The following CDH18 variants were observed in gnomAD, a reference collection of about 807,000 sequenced individuals.
CDH18 encodes cadherin 18, also known as cadherin-18.
A neutral mutation model predicts 67.9 loss-of-function variants in CDH18; 31 were observed. The ratio of observed to expected loss-of-function variants is 0.46; its 90% confidence interval spans 0.34 to 0.62. CDH18 has a LOEUF of 0.62. Among genes scored for constraint, CDH18 ranks in the 20% least tolerant of loss-of-function variants. CDH18 has a pLI of 0.01. For synonymous variants in CDH18, 362 were observed against 347.2 expected (o/e 1.04, Z -0.48); for missense variants, 890 against 975.5 (o/e 0.91, Z 1.17).
At chr5:20,564,098 T>C (rs1758365555) in intron 1 of CDH18, among the ~76,000 whole-genome samples, 1 of 151,954 alleles carries the variant, frequency 6.6e-6, no homozygotes. Context: ...TAGTAATAAT[T>C]ATATACTTCC....
At chr5:20,568,443 A>G (rs931481233) in intron 1 of CDH18, among the ~76,000 whole-genome samples, 1 of 152,190 alleles carries the variant, frequency 6.6e-6, no homozygotes, top group Admixed American at 6.5e-5. Context: ...ACTTGAGTTC[A>G]AGTCAAGGAG....
chr5:20,534,992 T>G (rs990533904), intron 1 of CDH18, among the ~76,000 whole-genome samples: 3 of 152,234 alleles, frequency 2.0e-5, no homozygotes, highest in Middle Eastern at 3.4e-3. Context: ...AGCCTACCTT[T>G]GATCAATCAA....
At chr5:20,493,343 T>G (rs1753700068) in intron 1 of CDH18, among the ~76,000 whole-genome samples, 1 of 113,950 alleles carries the variant, frequency 8.8e-6, no homozygotes, top group Non-Finnish European at 1.8e-5. Context: ...GGCAAGACTC[T>G]GTTTCAGAAA....
intron 2 of CDH18, among the ~76,000 whole-genome samples, chr5:19,937,640 G>A (rs11741381): frequency 0.6 from 90,872 of 151,064 alleles, 27,701 homozygotes; most frequent in East Asian, 0.72. Flanking sequence ...AAGTATAACC[G>A]AACAATACCT....
chr5:19,750,495 T>C (rs916510065), intron 3 of CDH18, among the ~76,000 whole-genome samples: 2 of 151,980 alleles, frequency 1.3e-5, no homozygotes, highest in Admixed American at 6.6e-5. Flanking sequence ...ATAGAGATAA[T>C]CAGTTAGGAA....
chr5:19,756,536 G>A (rs748162479), intron 3 of CDH18, among the ~76,000 whole-genome samples: 1 of 152,270 alleles, frequency 6.6e-6, no homozygotes, highest in East Asian at 1.9e-4. Flanking sequence ...ACTAAGAGAC[G>A]CCCAAATGGA....
At chr5:20,092,769 T>A (rs1471733734) in intron 2 of CDH18, among the ~76,000 whole-genome samples, 2 of 152,146 alleles carry the variant, frequency 1.3e-5, no homozygotes, top group African/African-American at 2.4e-5. Context: ...ATGCACAGTA[T>A]TACATTTTTA....
At chr5:20,170,124 C>T (rs1200178175) in intron 2 of CDH18, among the ~76,000 whole-genome samples, 1 of 151,946 alleles carries the variant, frequency 6.6e-6, no homozygotes, top group Non-Finnish European at 1.5e-5. Flanking sequence ...AACAGATCAC[C>T]TAGGTATTAA....
At chr5:20,520,690 G>A (rs1755693940) in intron 1 of CDH18, among the ~76,000 whole-genome samples, 1 of 152,146 alleles carries the variant, frequency 6.6e-6, no homozygotes, top group Admixed American at 6.6e-5. Flanking sequence ...GAGCAATTGG[G>A]TTAACAGCTT....
intron 2 of CDH18, among the ~76,000 whole-genome samples, chr5:19,904,130 C>A (rs998634216): frequency 3.3e-5 from 5 of 151,340 alleles, no homozygotes; most frequent in African/African-American, 1.2e-4. Flanking sequence ...AAAAATTAGC[C>A]AGGCTTGGTG....
chr5:19,509,740 T>C (rs998571405), intron 10 of CDH18, among the ~76,000 whole-genome samples: 1 of 152,168 alleles, frequency 6.6e-6, no homozygotes, highest in Non-Finnish European at 1.5e-5. Flanking sequence ...TTAATATGCA[T>C]AAAATAGAAT....
rs1452625951 is a variant in CDH18, at chr5:20,546,065, T to G, written c.-580+29397A>C. Among the ~76,000 whole-genome samples the G allele has an allele frequency of 2.0e-5, 3 of 152,062 alleles. No homozygotes were observed. In the East Asian group the frequency reaches 5.8e-4, roughly 29 times the overall value. Reference sequence around the variant, plus strand: ...TCTCTTAAGTTCAAAGTTCCACAGATCTCTAGGGTGGGGGCAAAATGCTGC... The same window carrying G: ...TCTCTTAAGTTCAAAGTTCCACAGAGCTCTAGGGTGGGGGCAAAATGCTGC... On this transcript the variant is annotated intron_variant, in intron 1 of 14. Transcript: ENST00000507958.
chr5:19,487,030 A>G (rs894261690), intron 11 of CDH18, among the ~76,000 whole-genome samples: 1 of 152,200 alleles, frequency 6.6e-6, no homozygotes, highest in Non-Finnish European at 1.5e-5. Flanking sequence ...TTGGAAGCCA[A>G]GCTAGTAAAG....
intron 1 of CDH18, among the ~76,000 whole-genome samples, chr5:20,349,039 A>T (rs183981074): frequency 3.3e-4 from 50 of 152,304 alleles, no homozygotes; most frequent in Admixed American, 5.2e-4. Context: ...AACATTACTC[A>T]TCAAAGTCAC....
At chr5:20,475,454 T>C (rs1180502869) in intron 1 of CDH18, among the ~76,000 whole-genome samples, 2 of 152,164 alleles carry the variant, frequency 1.3e-5, no homozygotes, top group Non-Finnish European at 2.9e-5. Context: ...TAAGCAGAGA[T>C]GTAAATGATC....
At chr5:20,495,451 A>G (rs1753848224) in intron 1 of CDH18, among the ~76,000 whole-genome samples, 1 of 152,182 alleles carries the variant, frequency 6.6e-6, no homozygotes, top group South Asian at 2.1e-4. Flanking sequence ...CTTCAGAAAT[A>G]AAATGATAAT....
chr5:20,328,149 G>A (rs1327928836), intron 1 of CDH18, among the ~76,000 whole-genome samples: 3 of 152,048 alleles, frequency 2.0e-5, no homozygotes, highest in African/African-American at 4.8e-5. Flanking sequence ...TGGGACTTAG[G>A]TTTTGACTCT....
At chr5:19,679,000 G>T (rs899399219) in intron 5 of CDH18, among the ~76,000 whole-genome samples, 1 of 151,832 alleles carries the variant, frequency 6.6e-6, no homozygotes, top group African/African-American at 2.4e-5. Flanking sequence ...AATGGAAAAA[G>T]AAAACATGAG....
At chr5:20,025,050 A>C (rs1561724655) in intron 2 of CDH18, among the ~76,000 whole-genome samples, 1 of 152,156 alleles carries the variant, frequency 6.6e-6, no homozygotes, top group African/African-American at 2.4e-5. Flanking sequence ...TTCGTAACAT[A>C]TCCTTGAACG....
Sources: gnomAD v4.1 joint callset for allele counts (sites outside exome capture counted in the v4.1 genomes callset) on GRCh38, gnomAD v4.1.1 for gene constraint, MANE v1.5 for transcripts, NCBI Gene and HGNC (gene_info 2026-07-23, HGNC 2026-07-21) for gene names.